PKHD1L1: variants seen among roughly 807,000 people sequenced by gnomAD.
The protein encoded by PKHD1L1 is fibrocystin-L.
A neutral mutation model predicts 462.9 loss-of-function variants in PKHD1L1; 434 were observed. The observed-to-expected ratio is 0.94, with a 90% confidence interval of 0.87 to 1.02. The LOEUF (loss-of-function observed/expected upper bound fraction) is 1.02. PKHD1L1 is among the 50% of genes least tolerant of loss of function. PKHD1L1 has a pLI of 0.00. For missense variants in PKHD1L1, 5,202 were observed against 5,096.1 expected, an observed-to-expected ratio of 1.02 and a Z score of -0.63; for synonymous variants, 1,781 against 1,750.0, an observed-to-expected ratio of 1.02 and a Z score of -0.44.
intron 2 of PKHD1L1, among the ~76,000 whole-genome samples, chr8:109,367,884 T>C (rs1401503545): frequency 6.6e-6 from 1 of 152,186 alleles, no homozygotes; most frequent in African/African-American, 2.4e-5. Context: ...GCCTGGGTGA[T>C]GGAGTGAAAC....
chr8:109,442,904 T>C, intron 35 of PKHD1L1, 42 bp from the exon 36 acceptor site: 2 of 1,568,488 alleles, frequency 1.3e-6, no homozygotes, highest in Middle Eastern at 3.4e-4. Flanking sequence ...AAATATGCAT[T>C]AATTGCTTAT....
chr8:109,399,814 A>G (rs147209870), intron 12 of PKHD1L1, among the ~76,000 whole-genome samples: 1 of 152,252 alleles, frequency 6.6e-6, no homozygotes, highest in African/African-American at 2.4e-5. Context: ...CATAATCCCT[A>G]TAGCACCCAT....
At chr8:109,490,696 T>C (rs972703326) in intron 60 of PKHD1L1, among the ~76,000 whole-genome samples, 2 of 151,670 alleles carry the variant, frequency 1.3e-5, no homozygotes, top group Non-Finnish European at 3.0e-5. Flanking sequence ...ATAATAGGAA[T>C]ATAAATGCAT....
rs369403067 is a variant in PKHD1L1, at chr8:109,435,279, G to A, written c.3430G>A (p.Val1144Ile). 51 of 1,613,924 alleles carry A rather than the reference G, an allele frequency of 3.2e-5. No homozygotes were observed. In the African/African-American group the frequency reaches 6.5e-4, roughly 21 times the overall value. ...GGCTGATGTTGGACTAGCACAGAATGTAGGGGGTGAAGAGTTCTACTTTGT... is the reference window on the plus strand; with the variant it reads ...GGCTGATGTTGGACTAGCACAGAATATAGGGGGTGAAGAGTTCTACTTTGT... ...SMADVGLAQN[V>I]GGEEFYFVYQ... The change falls in exon 29 of 78, where the codon GTA becomes ATA. Residue 1144 changes from valine (V) to isoleucine (I), a missense_variant. This residue lies in a region of PKHD1L1 where 4,497 missense variants were observed against 4,336.8 expected (regional missense o/e 1.04). Transcript: ENST00000378402.
At position 109,504,439 on chromosome 8, in the gene PKHD1L1, A is replaced by G. The variant is rs1361335783; in HGVS notation, c.10941A>G (p.Lys3647=). Residue 3647 remains lysine (K), a synonymous_variant, in exon 68 of 78, where the codon AAA becomes AAG. Coordinates refer to ENST00000378402, the MANE Select transcript of PKHD1L1 (RefSeq NM_177531.6). Reference sequence around the variant, plus strand: ...ATCCAATCCATGTGAAGAATATAAAACTGGTTGATACCACTGAACAATCAA... The same window carrying G: ...ATCCAATCCATGTGAAGAATATAAAGCTGGTTGATACCACTGAACAATCAA... ...LQHPIHVKNI[K]LVDTTEQSKI... 6.4e-7 allele frequency: 1 copy of G among 1,561,300 alleles called. No homozygotes were observed. Among genetic ancestry groups the G allele is most frequent in the Non-Finnish European group, 8.7e-7 (1 of 1,145,532 alleles).
rs1586473631 is a variant in PKHD1L1 at position 109,420,547 on chromosome 8, G to A, written c.2554G>A (p.Ala852Thr). 1 of 1,598,362 alleles carries A rather than the reference G, an allele frequency of 6.3e-7. No individual in the cohort carries two copies. Among genetic ancestry groups the A allele is most frequent in the Non-Finnish European group, 8.5e-7 (1 of 1,174,164 alleles). The change falls in exon 23 of 78, where the codon GCA becomes ACA. Residue 852 changes from alanine to threonine, a missense_variant. Physicochemically the swap from Ala to Thr is moderately conservative, Grantham distance 58. Transcript: ENST00000378402. ...GCCCAAGAGAAGACTTCCTGCATTA[G>A]CAAATAAAGGAATATTCTTAGAGCA... is the stretch of plus-strand genomic sequence containing the variant. The part of the protein sequence containing the change: ...EMPKRRLPAL[A>T]NKGIFLEHFQ...
intron 21 of PKHD1L1, among the ~76,000 whole-genome samples, chr8:109,416,219 A>G (rs1814161617): frequency 6.6e-6 from 1 of 152,198 alleles, no homozygotes; most frequent in South Asian, 2.1e-4. Flanking sequence ...TTCTTGAAAT[A>G]AGCATTAAAA....
intron 73 of PKHD1L1, 103 bp from the exon 74 acceptor site, chr8:109,522,083 A>G: frequency 8.6e-7 from 1 of 1,159,964 alleles, no homozygotes; most frequent in Non-Finnish European, 1.2e-6. Flanking sequence ...AGAATTCTAT[A>G]ATGTGATGGA....
chr8:109,522,804 T>G lies in PKHD1L1; in HGVS notation c.12244T>G (p.Ser4082Ala), dbSNP rs764070726. The G allele has an allele frequency of 6.2e-7, 1 of 1,612,374 alleles. No homozygotes were observed. The highest frequency in any genetic ancestry group is 8.5e-7 in the Non-Finnish European group (1 of 1,179,428). The change falls in exon 75 of 78, where the codon TCA becomes GCA. Residue 4082 changes from serine to alanine, a missense_variant. Ser to Ala is a moderately conservative substitution (Grantham distance 99, BLOSUM62 1). Coordinates refer to ENST00000378402, the MANE Select transcript of PKHD1L1 (RefSeq NM_177531.6). ...FPVHHVAFVSSLLVITQPVAA... is the reference protein window; with the variant it reads ...FPVHHVAFVSALLVITQPVAA... ...TGTTCATCACGTGGCCTTCGTGTCC[T>G]CACTCTTAGTGATCACTCAGCCGGT...
chr8:109,445,152 A>T lies in PKHD1L1; in HGVS notation c.5283A>T (p.Gly1761=). The T allele has an allele frequency of 3.7e-6, 6 of 1,613,910 alleles. No individual in the cohort carries two copies. The highest frequency in any genetic ancestry group is 5.1e-6 in the Non-Finnish European group (6 of 1,179,874). ...ITGVFPNSVI[G]SVKVLIEGEG... Reference sequence around the variant, plus strand: ...GAGTCTTCCCAAACTCTGTCATAGGATCTGTAAAAGTTCTTATTGAAGGAG... The same window carrying T: ...GAGTCTTCCCAAACTCTGTCATAGGTTCTGTAAAAGTTCTTATTGAAGGAG... The change falls in exon 38 of 78, where the codon GGA becomes GGT. Residue 1761 remains glycine, a synonymous_variant. Coordinates refer to ENST00000378402, the MANE Select transcript of PKHD1L1 (RefSeq NM_177531.6).
In PKHD1L1 at chr8:109,420,606, A is replaced by G; in HGVS notation, c.2613A>G (p.Pro871=). The G allele has an allele frequency of 6.2e-7, 1 of 1,609,924 alleles. No individual in the cohort carries two copies. The highest frequency in any genetic ancestry group is 8.5e-7 in the Non-Finnish European group (1 of 1,177,714). The change falls in exon 23 of 78, where the codon CCA becomes CCG. Residue 871 remains proline (P), a synonymous_variant. Coordinates refer to ENST00000378402, the MANE Select transcript of PKHD1L1 (RefSeq NM_177531.6). ...FQVNQTKTNG[P]TMTNQYSVTM... Reference sequence around the variant, plus strand: ...TGAATCAGACCAAAACAAATGGGCCAACTATGACAAACCAATATTCTGTTA... The same window carrying G: ...TGAATCAGACCAAAACAAATGGGCCGACTATGACAAACCAATATTCTGTTA...
chr8:109,459,217 A>G (rs1816978782), intron 46 of PKHD1L1, among the ~76,000 whole-genome samples: 1 of 152,088 alleles, frequency 6.6e-6, no homozygotes, highest in Non-Finnish European at 1.5e-5. Flanking sequence ...GCAGCCCCCA[A>G]TTGTAACAAC....
rs1815208994 is a variant in PKHD1L1, at chr8:109,433,191, A to G, written c.3315A>G (p.Val1105=). The G allele has an allele frequency of 3.7e-6, 6 of 1,613,074 alleles. No homozygotes were observed. Among genetic ancestry groups the G allele is most frequent in the Non-Finnish European group, 5.1e-6 (6 of 1,179,196 alleles). Reference sequence around the variant, plus strand: ...CTGTAACAGTCTCAGTTGGACCAGTAGGTTGTTCTCTTCTTTCTGTGGATG... The same window carrying G: ...CTGTAACAGTCTCAGTTGGACCAGTGGGTTGTTCTCTTCTTTCTGTGGATG... The part of the protein sequence containing the change: ...SSAVTVSVGP[V]GCSLLSVDEK... Residue 1105 remains valine, a synonymous_variant, in exon 28 of 78, where the codon GTA becomes GTG. Transcript: ENST00000378402.
chr8:109,379,779 C>CCA (rs1812017353), intron 2 of PKHD1L1, among the ~76,000 whole-genome samples: 1 of 152,204 alleles, frequency 6.6e-6, no homozygotes, highest in Non-Finnish European at 1.5e-5. Flanking sequence ...TGAACTGAAA[C>CCA]TACCACCATG....
At chr8:109,498,940 T>C (rs1188004534) in intron 67 of PKHD1L1, 169 bp downstream of exon 67, 8 of 646,526 alleles carry the variant, frequency 1.2e-5, no homozygotes, top group Non-Finnish European at 1.8e-5. Context: ...GAGAATGGTT[T>C]CTTGGCAGGA....
chr8:109,518,545 T>C (rs1783169), intron 73 of PKHD1L1, 37 bp downstream of exon 73: 252,224 of 1,501,308 alleles, frequency 0.17, 24,038 homozygotes, highest in Admixed American at 0.38. Context: ...AGGAATGCAA[T>C]TACCAAATCC....
intron 77 of PKHD1L1, among the ~76,000 whole-genome samples, 177 bp downstream of exon 77, chr8:109,527,197 T>C (rs890972466): frequency 2.6e-5 from 4 of 152,096 alleles, no homozygotes; most frequent in Admixed American, 2.6e-4. Flanking sequence ...TACATGTTGG[T>C]CTATAAGAAT....
In PKHD1L1 at chr8:109,400,252, G is replaced by A; in HGVS notation, c.1189G>A (p.Val397Met). 6.2e-7 allele frequency: 1 copy of A among 1,613,628 alleles called. No homozygotes were observed. The highest frequency in any genetic ancestry group is 8.5e-7 in the Non-Finnish European group (1 of 1,179,676). The part of the protein sequence containing the change: ...TFVARFSGFL[V>M]APDSDVYRFY... ...TGTTGCACGCTTTAGTGGATTTTTG[G>A]TGGCTCCAGATTCTGATGTTTATAG... Residue 397 changes from valine to methionine, a missense_variant, in exon 13 of 78, where the codon GTG becomes ATG. Transcript: ENST00000378402.
chr8:109,436,491 C>T lies in PKHD1L1; in HGVS notation c.3627+32C>T, dbSNP rs144465841. ...CCTCTGATTTCAGTCACTTTTTCCT[C>T]CTAAGTCTGAAATCTTATAAATTAG... On this transcript the variant is annotated intron_variant, in intron 30 of 77. Coordinates refer to ENST00000378402, the MANE Select transcript of PKHD1L1 (RefSeq NM_177531.6). 12,886 of 1,607,350 alleles carry T rather than the reference C, an allele frequency of 8.0e-3. 93 individuals are homozygous for T. The highest frequency in any genetic ancestry group is 0.043 in the Middle Eastern group (260 of 6,028).
Sources: gnomAD v4.1 joint callset for allele counts (sites outside exome capture counted in the v4.1 genomes callset) on GRCh38, gnomAD v4.1.1 for gene constraint, gnomAD v4.1.1 regional missense constraint, MANE v1.5 for transcripts, NCBI Gene and HGNC (gene_info 2026-07-23, HGNC 2026-07-21) for gene names.